Variants in SIL1 observed in about 807,000 individuals in gnomAD.
SIL1 encodes the protein SIL1 nucleotide exchange factor.
SIL1 carries 40 observed loss-of-function variants against 49.1 expected under a neutral mutation model. The ratio of observed to expected loss-of-function variants is 0.81; its 90% CI spans 0.63 to 1.06. The LOEUF (loss-of-function observed/expected upper bound fraction) is 1.06, where lower values mean the gene tolerates loss of function less well. Ranked by LOEUF, SIL1 falls within the 50% of genes least tolerant of loss-of-function variation. The probability of loss-of-function intolerance (pLI) is 0.00; values close to 1 mark genes in which losing one functional copy is unlikely to be tolerated. For missense variants in SIL1, 500 were observed against 572.6 expected (o/e 0.87, Z 1.29); for synonymous variants, 253 against 250.8 (o/e 1.01, Z -0.08).
At position 138,946,966 on chromosome 5, in the gene SIL1, A is replaced by G. The variant is rs1766642209; in HGVS notation, c.*151T>C. The G allele has an allele frequency of 3.4e-5, 24 of 705,038 alleles. No individual in the cohort carries two copies. In the South Asian group the frequency reaches 3.4e-4, roughly 10 times the overall value. 43.7% of individuals were successfully genotyped at this position (705,038 alleles called of 1,614,324 possible). ...GGCCACAGGGCTGTGCCCAGTCTAC[A>G]CAGACACACAGCAGAAAGAGGATGG... is the stretch of plus-strand genomic sequence containing the variant. On this transcript the variant is annotated 3_prime_UTR_variant, in exon 10 of 10. Coordinates refer to ENST00000394817, the MANE Select transcript of SIL1 (RefSeq NM_022464.5).
intron 1 of SIL1, among the ~76,000 whole-genome samples, chr5:139,167,091 C>T (rs1751639179): frequency 6.6e-6 from 1 of 152,168 alleles, no homozygotes; most frequent in African/African-American, 2.4e-5. Flanking sequence ...AGATTACAGG[C>T]GTGAGCCACC....
At chr5:138,982,915 A>T (rs1031370097) in intron 7 of SIL1, among the ~76,000 whole-genome samples, 2 of 152,060 alleles carry the variant, frequency 1.3e-5, no homozygotes, top group African/African-American at 4.8e-5. Flanking sequence ...CACACCTACC[A>T]GTTGGGCGTG....
intron 4 of SIL1, among the ~76,000 whole-genome samples, chr5:139,045,011 CTTCA>C (rs1294678539): frequency 6.6e-6 from 1 of 152,188 alleles, no homozygotes; most frequent in African/African-American, 2.4e-5. Context: ...TCTTCACTCA[CTTCA>C]TGTTCCTCAA....
intron 7 of SIL1, among the ~76,000 whole-genome samples, chr5:139,014,481 G>T (rs1768357659): frequency 6.6e-6 from 1 of 151,220 alleles, no homozygotes. Flanking sequence ...AATTAAGAAG[G>T]GGATAGTAGT....
At chr5:139,083,231 A>T (rs1770132032) in intron 3 of SIL1, among the ~76,000 whole-genome samples, 1 of 152,258 alleles carries the variant, frequency 6.6e-6, no homozygotes, top group South Asian at 2.1e-4. Flanking sequence ...TTGAAGGTTG[A>T]GGACAATTTT....
intron 7 of SIL1, among the ~76,000 whole-genome samples, chr5:139,008,882 G>A (rs902135370): frequency 6.6e-6 from 1 of 152,022 alleles, no homozygotes. Flanking sequence ...TTACTTCCAA[G>A]TATGTGGTCA....
chr5:139,040,484 C>CTTTTTTTTTTTTT (rs140792595), intron 5 of SIL1, among the ~76,000 whole-genome samples: 2 of 89,410 alleles, frequency 2.2e-5, no homozygotes, highest in African/African-American at 5.1e-5. Context: ...AGTATTTTTT[C>CTTTTTTTTTTTTT]TTTTTTCTTT....
chr5:139,180,663 A>G (rs574839037), intron 1 of SIL1, among the ~76,000 whole-genome samples: 21 of 152,298 alleles, frequency 1.4e-4, no homozygotes, highest in African/African-American at 5.1e-4. Context: ...GTAGGGAGCA[A>G]AATTCATCAT....
intron 3 of SIL1, among the ~76,000 whole-genome samples, chr5:139,058,760 G>C (rs1221528210): frequency 1.3e-5 from 2 of 152,076 alleles, no homozygotes; most frequent in Non-Finnish European, 2.9e-5. Flanking sequence ...GGTTCCATAA[G>C]ATGTTCCAGG....
intron 5 of SIL1, among the ~76,000 whole-genome samples, chr5:139,041,818 CAA>C (rs536666463): frequency 1.7e-4 from 15 of 86,342 alleles, no homozygotes; most frequent in Admixed American, 6.3e-4. Context: ...AACTCAAAAA[CAA>C]AAAAAAAAAA....
chr5:139,032,084 G>GC (rs1768806006), intron 5 of SIL1, among the ~76,000 whole-genome samples: 1 of 152,110 alleles, frequency 6.6e-6, no homozygotes, highest in Admixed American at 6.5e-5. Flanking sequence ...TTTTTTCCTT[G>GC]CCTTGCCTTA....
At chr5:139,156,548 A>C (rs1751411334) in intron 1 of SIL1, among the ~76,000 whole-genome samples, 1 of 152,196 alleles carries the variant, frequency 6.6e-6, no homozygotes, top group Non-Finnish European at 1.5e-5. Flanking sequence ...ATGTTTTTAC[A>C]TTAAGGAACT....
rs79062729 is a variant in SIL1 at position 139,188,629 on chromosome 5, T to C, written c.-11+9640A>G. ...TGAGCACAAAATCTGGGTCAGTGTA[T>C]GTGACTGTGCCTCCGTGACTTTGCA... On this transcript the variant is annotated intron_variant, in intron 1 of 9. Transcript: ENST00000394817. 8.5e-5 allele frequency among the ~76,000 whole-genome samples: 13 copies of C among 152,346 alleles called. No individual in the cohort carries two copies. In the East Asian group the frequency reaches 2.5e-3, roughly 29 times the overall value.
In SIL1 at chr5:139,124,187, T is replaced by A. The variant is rs112648663; in HGVS notation, c.106-3014A>T. ...AGGTAGCACAGGAAATCCTCCAAAA[T>A]CCAGGTAGGCTGATGTTCATTTTAA... On this transcript the variant is annotated intron_variant, in intron 2 of 9. Transcript: ENST00000394817. 7.7e-3 allele frequency among the ~76,000 whole-genome samples: 1,175 copies of A among 152,310 alleles called. 14 individuals carry two copies. Among genetic ancestry groups the A allele is most frequent in the African/African-American group, 0.027 (1,102 of 41,558 alleles).
chr5:139,138,115 G>T (rs1430071552), intron 1 of SIL1, among the ~76,000 whole-genome samples: 1 of 148,276 alleles, frequency 6.7e-6, no homozygotes, highest in Non-Finnish European at 1.5e-5. Flanking sequence ...CCCCTTCATG[G>T]AGCCCAGTGC....
At chr5:138,981,353 T>C (rs1290544256) in intron 7 of SIL1, among the ~76,000 whole-genome samples, 1 of 151,954 alleles carries the variant, frequency 6.6e-6, no homozygotes, top group Non-Finnish European at 1.5e-5. Flanking sequence ...TTCTCAACAG[T>C]CTCCAAAAGA....
intron 3 of SIL1, among the ~76,000 whole-genome samples, chr5:139,112,794 G>C (rs1456060637): frequency 1.3e-5 from 2 of 152,206 alleles, no homozygotes; most frequent in Non-Finnish European, 2.9e-5. Context: ...CCGTCTGGGA[G>C]GTGCACCCAA....
Position 139,088,691 on chromosome 5 carries a change from T to C in SIL1, c.244+32344A>G, listed in dbSNP as rs1364274820. 3.3e-5 allele frequency among the ~76,000 whole-genome samples: 5 copies of C among 152,350 alleles called. No homozygotes were observed. In the East Asian group the frequency reaches 9.6e-4, roughly 29 times the overall value. ...CAGACAGTCTACACTTTTCAGCTCC[T>C]GCAGGGTCTGCCTCAGTTGCAGAGA... On this transcript the variant is annotated intron_variant, in intron 3 of 9. Coordinates refer to ENST00000394817, the MANE Select transcript of SIL1 (RefSeq NM_022464.5).
chr5:139,111,035 C>T (rs970674892), intron 3 of SIL1, among the ~76,000 whole-genome samples: 1 of 152,224 alleles, frequency 6.6e-6, no homozygotes, highest in Non-Finnish European at 1.5e-5. Flanking sequence ...ACCTCACCCA[C>T]CACAGTGTCA....
Sources: allele counts gnomAD v4.1 joint callset (sites outside exome capture counted in the v4.1 genomes callset), GRCh38; gene constraint gnomAD v4.1.1; transcripts MANE v1.5; gene names NCBI Gene and HGNC (gene_info 2026-07-23, HGNC 2026-07-21).